The following HNRNPU variants were observed in gnomAD, a reference collection of about 807,000 sequenced individuals.
The protein encoded by HNRNPU is heterogeneous nuclear ribonucleoprotein U.
HNRNPU carries 5 observed loss-of-function variants against 94.7 expected under a neutral mutation model. The ratio of observed to expected loss-of-function variants is 0.05; its 90% CI spans 0.03 to 0.11. The LOEUF is 0.11. HNRNPU is among the 10% of genes least tolerant of loss of function. The probability of loss-of-function intolerance (pLI) is 1.00; values close to 1 mark genes in which losing one functional copy is unlikely to be tolerated. For missense variants in HNRNPU, 710 were observed against 1,049.2 expected, an observed-to-expected ratio of 0.68 and a Z score of 4.47; for synonymous variants, 434 against 381.6, an observed-to-expected ratio of 1.14 and a Z score of -1.60.
Position 244,863,853 on chromosome 1 carries a change from G to T in HNRNPU, c.455C>A (p.Ala152Glu). 4 of 1,613,330 alleles carry T rather than the reference G, an allele frequency of 2.5e-6. No homozygotes were observed. The highest frequency in any genetic ancestry group is 3.4e-6 in the Non-Finnish European group (4 of 1,179,824). The change falls in exon 1 of 14, where the codon GCG (alanine) becomes GAG (glutamate). Residue 152 changes from alanine to glutamate, a missense_variant. This residue lies in a region of HNRNPU where 292 missense variants were observed against 293.4 expected (regional missense o/e 1.00). Transcript: ENST00000640218. ...EDELGDEEEGAGDENGHGEQQ... is the reference protein window; with the variant it reads ...EDELGDEEEGEGDENGHGEQQ... ...CTCCCCGTGCCCGTTCTCGTCGCCC[G>T]CGCCTTCCTCTTCGTCCCCGAGCTC...
chr1:244,860,064 G>A (rs1345059033), intron 4 of HNRNPU: 5 of 335,720 alleles, frequency 1.5e-5, no homozygotes, highest in South Asian at 7.8e-5. Context: ...ACTTTGGGAC[G>A]CCGAGACAGT....
At chr1:244,860,155 C>T in intron 4 of HNRNPU, 180 bp downstream of exon 4, 1 of 491,746 alleles carries the variant, frequency 2.0e-6, no homozygotes, top group South Asian at 3.6e-5. Context: ...CAAAAATTAG[C>T]CAGGTGTGGT....
At position 244,852,258 on chromosome 1, in the gene HNRNPU, T is replaced by C. The variant is rs1299519124; in HGVS notation, c.*2192A>G. ...GTGTAGACAATTGTATTAATTCTAG[T>C]CTTGACTAAAGATTTTAACATTTTT... On this transcript the variant is annotated 3_prime_UTR_variant, in exon 14 of 14. Transcript: ENST00000640218. 6.6e-6 allele frequency: 1 copy of C among 152,214 alleles called. No homozygotes were observed. Among genetic ancestry groups the C allele is most frequent in the Non-Finnish European group, 1.5e-5 (1 of 68,030 alleles). 9.4% of individuals were successfully genotyped at this position (152,214 alleles called of 1,614,324 possible).
At chr1:244,858,874 G>T in intron 5 of HNRNPU, 33 bp from the exon 6 acceptor site, 1 of 1,005,250 alleles carries the variant, frequency 9.9e-7, no homozygotes, top group Non-Finnish European at 1.6e-6. Context: ...TGAAGTAGAT[G>T]TTTAAAATAG....
At chr1:244,855,705 T>C (rs1573329387) in intron 11 of HNRNPU, 97 bp from the exon 12 acceptor site, 1 of 1,395,170 alleles carries the variant, frequency 7.2e-7, no homozygotes. Flanking sequence ...TCTCCAAAAA[T>C]AATTGTTTAA....
chr1:244,860,299 C>CACAA (rs761577749), intron 4 of HNRNPU, 36 bp downstream of exon 4: 130 of 1,588,290 alleles, frequency 8.2e-5, no homozygotes, highest in South Asian at 1.8e-4. Context: ...AGACTGTCTC[C>CACAA]ACAAACAAAC....
In HNRNPU at chr1:244,859,348, A is replaced by G; in HGVS notation, c.1044T>C (p.His348=). 6.3e-7 allele frequency: 1 copy of G among 1,580,202 alleles called. No individual in the cohort carries two copies. ...GTATGTCAATATCTTTTGTATATAA[A>G]TGCCTTACTGGGATCTTCTCTGTAA... is the stretch of plus-strand genomic sequence containing the variant. The part of the protein sequence containing the change: ...MKVTEKIPVR[H]LYTKDIDIHE... The change falls in exon 5 of 14, where the codon CAT becomes CAC. Residue 348 remains histidine, a synonymous_variant. Coordinates refer to ENST00000640218, the MANE Select transcript of HNRNPU (RefSeq NM_031844.3).
chr1:244,855,103 G>A (rs1278031164), intron 12 of HNRNPU, 59 bp from the exon 13 acceptor site: 5 of 1,365,052 alleles, frequency 3.7e-6, no homozygotes, highest in Non-Finnish European at 5.2e-6. Flanking sequence ...AGGTTTGTGG[G>A]GGTGAGAGAG....
intron 10 of HNRNPU, 116 bp from the exon 11 acceptor site, chr1:244,856,274 A>C: frequency 8.3e-7 from 1 of 1,198,464 alleles, no homozygotes; most frequent in Non-Finnish European, 1.2e-6. Flanking sequence ...AAAACAGACC[A>C]AACATATATG....
intron 12 of HNRNPU, 161 bp downstream of exon 12, chr1:244,855,263 A>T (rs901765464): frequency 2.5e-6 from 2 of 802,724 alleles, no homozygotes; most frequent in Non-Finnish European, 4.1e-6. Flanking sequence ...GAAAAAACTC[A>T]AAAGTAAGTA....
chr1:244,858,656 A>G, intron 6 of HNRNPU, 73 bp downstream of exon 6: 1 of 801,030 alleles, frequency 1.2e-6, no homozygotes, highest in Non-Finnish European at 2.1e-6. Flanking sequence ...TGACCTCAGT[A>G]AAGCTTCTTT....
At chr1:244,859,781 G>T (rs1680778454) in intron 4 of HNRNPU, 1 of 158,096 alleles carries the variant, frequency 6.3e-6, no homozygotes, top group Non-Finnish European at 1.4e-5. Context: ...GCTCTGCATG[G>T]CAAGTTCTAA....
At chr1:244,858,943 A>AAC in intron 5 of HNRNPU, 102 bp from the exon 6 acceptor site, 1 of 640,418 alleles carries the variant, frequency 1.6e-6, no homozygotes, top group South Asian at 1.9e-5. Context: ...ATAAGCATAT[A>AAC]ACCTAATCAC....
chr1:244,862,945 T>C (rs1680878774), intron 1 of HNRNPU: 2 of 584,190 alleles, frequency 3.4e-6, no homozygotes, highest in South Asian at 4.1e-5. Flanking sequence ...GTCTCCTCGA[T>C]GATTCGAGAA....
In HNRNPU at chr1:244,858,608, T is replaced by A. The variant is rs12746813; in HGVS notation, c.1230+121A>T. ...CTGCTGAATGAAGTCTTTACACTAA[T>A]CCAGGGACTGGTGTATTTTGTTGCT... On this transcript the variant is annotated intron_variant, in intron 6 of 13. Coordinates refer to ENST00000640218, the MANE Select transcript of HNRNPU (RefSeq NM_031844.3). 35 of 665,772 alleles carry A rather than the reference T, an allele frequency of 5.3e-5. No individual in the cohort carries two copies. In the African/African-American group the frequency reaches 5.9e-4, roughly 11 times the overall value. The allele number at this position is 665,772 out of a possible 1,614,324, so 41.2% of individuals were successfully genotyped here. A position where few individuals can be genotyped will look rare whatever the true frequency, so the allele number is the denominator to read the frequency against.
At chr1:244,861,825 A>G (rs916219070) in intron 3 of HNRNPU, 1 of 151,820 alleles carries the variant, frequency 6.6e-6, no homozygotes, top group Non-Finnish European at 1.5e-5. Flanking sequence ...TTGCAACCCA[A>G]CTGGGTAAAG....
rs144969212 is a variant in HNRNPU at position 244,855,334 on chromosome 1, G to T, written c.2352+90C>A. ...TGTCAATGCCTATCATGTTCCTTAC[G>T]GATTACTAAGACACCCCAACATAAA... On this transcript the variant is annotated intron_variant, in intron 12 of 13. Transcript: ENST00000640218. The T allele has an allele frequency of 2.5e-5, 30 of 1,220,814 alleles. 1 individual carries two copies. The highest frequency in any genetic ancestry group is 1.8e-4 in the African/African-American group (12 of 66,374). The allele number at this position is 1,220,814 out of a possible 1,614,324, so 75.6% of individuals were successfully genotyped here. A position where few individuals can be genotyped will look rare whatever the true frequency, so the allele number is the denominator to read the frequency against.
intron 1 of HNRNPU, chr1:244,863,128 C>T (rs1454382731): frequency 5.6e-6 from 1 of 177,438 alleles, no homozygotes; most frequent in Non-Finnish European, 1.2e-5. Context: ...CCGCCCGGCT[C>T]CTCCCGCCGG....
Position 244,864,402 on chromosome 1 carries a change from G to T in HNRNPU, c.-95C>A. ...GCTGCTGCGGCTGCTCCTCGGCCCG[G>T]GCGGCGGCTGCGGCTGCGGCTGGAG... On this transcript the variant is annotated 5_prime_UTR_variant, in exon 1 of 14. Transcript: ENST00000640218. 6.4e-7 allele frequency: 1 copy of T among 1,571,610 alleles called. No individual in the cohort carries two copies. Among genetic ancestry groups the T allele is most frequent in the Admixed American group, 2.0e-5 (1 of 48,814 alleles).
Sources: allele counts gnomAD v4.1 joint callset, GRCh38; gene constraint gnomAD v4.1.1; regional missense constraint gnomAD v4.1.1; transcripts MANE v1.5; gene names NCBI Gene and HGNC (gene_info 2026-07-23, HGNC 2026-07-21).